Variants in SLC44A5 observed in about 807,000 individuals in gnomAD.
SLC44A5 encodes the protein choline transporter-like protein 5.
In SLC44A5, 57 loss-of-function variants were observed where a neutral mutation model predicts 101.8. That is an observed-to-expected ratio of 0.56 (90% confidence interval 0.45 to 0.70). The LOEUF is 0.70. SLC44A5 is among the 30% of genes least tolerant of loss of function. The pLI is 0.00. For missense variants in SLC44A5, 737 were observed against 853.1 expected, an observed-to-expected ratio of 0.86 and a Z score of 1.70; for synonymous variants, 281 against 290.9, an observed-to-expected ratio of 0.97 and a Z score of 0.35.
chr1:75,276,648 G>A (rs1651945724), intron 5 of SLC44A5, among the ~76,000 whole-genome samples: 1 of 152,154 alleles, frequency 6.6e-6, no homozygotes, highest in African/African-American at 2.4e-5. Flanking sequence ...GACTAACATG[G>A]TGCTTGGCAT....
chr1:75,676,917 C>A, the SLC44A5 span, among the ~76,000 whole-genome samples: 1 of 152,116 alleles, frequency 6.6e-6, no homozygotes, highest in South Asian at 2.1e-4. Flanking sequence ...TTTCTGGCAG[C>A]AGACTTTTCA....
the SLC44A5 span, among the ~76,000 whole-genome samples, chr1:75,707,403 T>C: frequency 2.6e-5 from 4 of 152,224 alleles, no homozygotes; most frequent in Admixed American, 2.0e-4. Flanking sequence ...GAGAACTTCA[T>C]GTGCAGATGA....
intron 2 of SLC44A5, among the ~76,000 whole-genome samples, chr1:75,466,235 T>C (rs1049779205): frequency 6.6e-6 from 1 of 152,096 alleles, no homozygotes; most frequent in East Asian, 1.9e-4. Context: ...CGTAAGCCAA[T>C]CCATGTGATA....
At chr1:75,277,361 A>G (rs902564065) in intron 5 of SLC44A5, among the ~76,000 whole-genome samples, 9 of 152,156 alleles carry the variant, frequency 5.9e-5, no homozygotes, top group Non-Finnish European at 8.8e-5. Context: ...AAAGGTAGGT[A>G]TTACTTTCAC....
At chr1:75,354,567 GC>G (rs1658929619) in intron 3 of SLC44A5, among the ~76,000 whole-genome samples, 1 of 152,182 alleles carries the variant, frequency 6.6e-6, no homozygotes, top group African/African-American at 2.4e-5. Flanking sequence ...GGCCTTTGCA[GC>G]CTCCACACTC....
At chr1:75,661,411 A>AAC in the SLC44A5 span, among the ~76,000 whole-genome samples, 112 of 148,456 alleles carry the variant, frequency 7.5e-4, no homozygotes, top group African/African-American at 2.6e-3. Context: ...AAAAAAAAAA[A>AAC]AAAACACCAT....
At chr1:75,231,835 G>A (rs1183563771) in intron 12 of SLC44A5, among the ~76,000 whole-genome samples, 1 of 152,082 alleles carries the variant, frequency 6.6e-6, no homozygotes, top group Non-Finnish European at 1.5e-5. Flanking sequence ...GTCTTCTCCT[G>A]TATACCTCTT....
chr1:75,695,507 T>C, the SLC44A5 span, among the ~76,000 whole-genome samples: 1 of 152,038 alleles, frequency 6.6e-6, no homozygotes, highest in Non-Finnish European at 1.5e-5. Flanking sequence ...CCTAGGAATT[T>C]AGCATCTGTT....
At chr1:75,350,372 A>G (rs981938937) in intron 3 of SLC44A5, among the ~76,000 whole-genome samples, 1 of 151,946 alleles carries the variant, frequency 6.6e-6, no homozygotes, top group Non-Finnish European at 1.5e-5. Context: ...TCAACTTTTC[A>G]TCTCCAGAAC....
At chr1:75,484,542 A>C (rs2101790124) in intron 2 of SLC44A5, among the ~76,000 whole-genome samples, 1 of 152,324 alleles carries the variant, frequency 6.6e-6, no homozygotes, top group East Asian at 1.9e-4. Flanking sequence ...ACTAGCTGGC[A>C]TTGAGTGCCT....
intron 5 of SLC44A5, among the ~76,000 whole-genome samples, chr1:75,284,966 A>AT (rs1277287626): frequency 1.3e-5 from 2 of 151,824 alleles, no homozygotes; most frequent in Admixed American, 6.6e-5. Flanking sequence ...TGGTCTATAG[A>AT]TTTTTTGTGT....
At chr1:75,640,431 G>A in the SLC44A5 span, among the ~76,000 whole-genome samples, 1 of 152,018 alleles carries the variant, frequency 6.6e-6, no homozygotes, top group African/African-American at 2.4e-5. Flanking sequence ...GCAAGTCAAT[G>A]GTCAAGCCCA....
chr1:75,506,435 G>A (rs1469115520), intron 2 of SLC44A5, among the ~76,000 whole-genome samples: 3 of 152,052 alleles, frequency 2.0e-5, no homozygotes, highest in African/African-American at 7.2e-5. Context: ...AGATTGCTTT[G>A]GGTAGTATTG....
intron 2 of SLC44A5, among the ~76,000 whole-genome samples, chr1:75,412,755 C>T (rs920205915): frequency 2.0e-5 from 3 of 152,170 alleles, no homozygotes; most frequent in Non-Finnish European, 4.4e-5. Flanking sequence ...TAAAACCTCA[C>T]GCTGCCCTGT....
intron 23 of SLC44A5, among the ~76,000 whole-genome samples, chr1:75,210,675 T>C (rs1232298341): frequency 6.6e-6 from 1 of 152,174 alleles, no homozygotes; most frequent in African/African-American, 2.4e-5. Context: ...TAACAAAGCA[T>C]GGCAGAAGCC....
intron 2 of SLC44A5, among the ~76,000 whole-genome samples, chr1:75,428,912 GT>G (rs950597958): frequency 2.2e-4 from 33 of 152,142 alleles, no homozygotes; most frequent in African/African-American, 7.2e-4. Context: ...AAGAGTCTTA[GT>G]TTTTTTGTCT....
intron 2 of SLC44A5, among the ~76,000 whole-genome samples, chr1:75,458,821 C>G (rs1666334244): frequency 6.6e-6 from 1 of 152,110 alleles, no homozygotes; most frequent in South Asian, 2.1e-4. Context: ...CCAATGCCTT[C>G]ACAAAGTGTG....
intron 2 of SLC44A5, among the ~76,000 whole-genome samples, chr1:75,533,430 A>C (rs1033695106): frequency 6.6e-6 from 1 of 152,222 alleles, no homozygotes; most frequent in Non-Finnish European, 1.5e-5. Context: ...TAACCCATTA[A>C]GGCTGTTGGA....
chr1:75,419,225 G>A (rs1445331341), intron 2 of SLC44A5, among the ~76,000 whole-genome samples: 1 of 151,756 alleles, frequency 6.6e-6, no homozygotes, highest in Admixed American at 6.6e-5. Flanking sequence ...TTTTTAAATT[G>A]GAATAAAATG....
Sources: allele counts gnomAD v4.1 joint callset (sites outside exome capture counted in the v4.1 genomes callset), GRCh38; gene constraint gnomAD v4.1.1; transcripts MANE v1.5; gene names NCBI Gene and HGNC (gene_info 2026-07-23, HGNC 2026-07-21).